Variants in TMEM132B observed in about 807,000 individuals in gnomAD.
TMEM132B encodes transmembrane protein 132B.
TMEM132B carries 18 observed loss-of-function variants against 90.8 expected under a neutral mutation model. That is an observed-to-expected ratio of 0.20 (90% CI 0.14 to 0.29). The LOEUF is 0.29. Ranked by LOEUF, TMEM132B falls within the 10% of genes least tolerant of loss-of-function variation. The pLI is 1.00. For missense variants in TMEM132B, 1,096 were observed against 1,326.8 expected (o/e 0.83, Z 2.70); for synonymous variants, 504 against 523.3 (o/e 0.96, Z 0.50).
intron 4 of TMEM132B, among the ~76,000 whole-genome samples, chr12:125,581,530 C>G (rs1314678742): frequency 6.6e-6 from 1 of 152,116 alleles, no homozygotes; most frequent in African/African-American, 2.4e-5. Flanking sequence ...TGGTCATGTG[C>G]TTTTCTGCGA....
intron 1 of TMEM132B, among the ~76,000 whole-genome samples, chr12:125,237,814 T>G (rs1873970678): frequency 6.6e-6 from 1 of 152,198 alleles, no homozygotes; most frequent in East Asian, 1.9e-4. Flanking sequence ...AGCACTGATA[T>G]TTGCAGGCAG....
intron 1 of TMEM132B, among the ~76,000 whole-genome samples, chr12:125,309,587 C>T (rs573578559): frequency 5.3e-5 from 8 of 152,192 alleles, no homozygotes; most frequent in Non-Finnish European, 1.2e-4. Flanking sequence ...ATGGACAATA[C>T]AACAGGCAAA....
intron 1 of TMEM132B, among the ~76,000 whole-genome samples, chr12:125,306,366 C>T (rs977052217): frequency 6.6e-6 from 1 of 152,194 alleles, no homozygotes; most frequent in African/African-American, 2.4e-5. Flanking sequence ...AGGACTTCTC[C>T]CCTGGGCTCC....
chr12:125,653,568 G>T lies in TMEM132B; in HGVS notation c.2110G>T (p.Ala704Ser). The T allele has an allele frequency of 6.2e-7, 1 of 1,601,080 alleles. No individual in the cohort carries two copies. Among genetic ancestry groups the T allele is most frequent in the Non-Finnish European group, 8.5e-7 (1 of 1,169,866 alleles). ...LDVLQSPQQE[A>S]IVSSWILFSD... ...GCTTTGGTTTCATTTTCCTCAGGAA[G>T]CAATAGTAAGTTCTTGGATTTTGTT... is the stretch of plus-strand genomic sequence containing the variant. The change falls in exon 9 of 9, where the codon GCA becomes TCA. Residue 704 changes from alanine to serine, a missense_variant. By Grantham distance (99) the Ala-to-Ser change is moderately conservative. Transcript: ENST00000682704.
intron 4 of TMEM132B, among the ~76,000 whole-genome samples, chr12:125,559,000 A>G (rs1187005818): frequency 6.6e-6 from 1 of 152,222 alleles, no homozygotes; most frequent in African/African-American, 2.4e-5. Context: ...TTTTTGGAGA[A>G]TGTACTAAGA....
At chr12:125,306,734 C>T (rs980564363) in intron 1 of TMEM132B, among the ~76,000 whole-genome samples, 3 of 152,218 alleles carry the variant, frequency 2.0e-5, no homozygotes. Context: ...TCCTTTCTTC[C>T]CACAACAACC....
chr12:125,610,943 G>C (rs192056698), intron 5 of TMEM132B, among the ~76,000 whole-genome samples: 26 of 152,244 alleles, frequency 1.7e-4, no homozygotes, highest in Admixed American at 1.6e-3. Flanking sequence ...ATTTGGAAGA[G>C]TTTGTCTAGG....
chr12:125,190,492 G>A, intron 1 of TMEM132B, among the ~76,000 whole-genome samples: 1 of 139,608 alleles, frequency 7.2e-6, no homozygotes, highest in African/African-American at 2.7e-5. Flanking sequence ...AAGGGGTGGT[G>A]ATGGTGATGG....
intron 3 of TMEM132B, among the ~76,000 whole-genome samples, chr12:125,448,223 T>C (rs1881056957): frequency 6.6e-6 from 1 of 151,908 alleles, no homozygotes; most frequent in Non-Finnish European, 1.5e-5. Flanking sequence ...CACTCCAGCC[T>C]GGGCAACAAG....
chr12:125,198,483 G>A (rs919396651), intron 1 of TMEM132B, among the ~76,000 whole-genome samples: 4 of 152,162 alleles, frequency 2.6e-5, no homozygotes, highest in African/African-American at 7.2e-5. Flanking sequence ...TCCAACCAGC[G>A]GAAATAGAAT....
At chr12:125,332,006 G>A (rs1369322781) in intron 1 of TMEM132B, among the ~76,000 whole-genome samples, 2 of 152,068 alleles carry the variant, frequency 1.3e-5, no homozygotes, top group East Asian at 3.9e-4. Context: ...CCATCCCAAA[G>A]TGCTGGGATT....
At chr12:125,228,188 C>T (rs1410290025) in intron 1 of TMEM132B, among the ~76,000 whole-genome samples, 1 of 152,122 alleles carries the variant, frequency 6.6e-6, no homozygotes, top group East Asian at 1.9e-4. Context: ...CCCCTGTTTC[C>T]GCCTCTCGGT....
At chr12:125,435,549 C>G (rs1880675407) in intron 3 of TMEM132B, among the ~76,000 whole-genome samples, 1 of 152,190 alleles carries the variant, frequency 6.6e-6, no homozygotes, top group South Asian at 2.1e-4. Context: ...CAGAGCCCTC[C>G]CAAGAGCCAG....
At chr12:125,257,350 C>T (rs765169029) in intron 1 of TMEM132B, among the ~76,000 whole-genome samples, 6 of 152,296 alleles carry the variant, frequency 3.9e-5, no homozygotes, top group Non-Finnish European at 8.8e-5. Context: ...CTCCCTGTTT[C>T]TACCGTTGGT....
intron 2 of TMEM132B, among the ~76,000 whole-genome samples, chr12:125,391,347 A>G (rs922546822): frequency 6.6e-6 from 1 of 152,218 alleles, no homozygotes; most frequent in African/African-American, 2.4e-5. Flanking sequence ...GGTGGCTCAC[A>G]GAGACTTGCC....
chr12:125,310,507 A>T (rs1002995524), intron 1 of TMEM132B, among the ~76,000 whole-genome samples: 13 of 152,204 alleles, frequency 8.5e-5, no homozygotes, highest in African/African-American at 3.1e-4. Flanking sequence ...CACACAGTTA[A>T]TCAGCAGGGA....
At chr12:125,256,680 G>T (rs529164755) in intron 1 of TMEM132B, among the ~76,000 whole-genome samples, 4 of 152,258 alleles carry the variant, frequency 2.6e-5, no homozygotes, top group African/African-American at 9.6e-5. Flanking sequence ...GTATTAGGTT[G>T]GTGCAAAAAG....
intron 1 of TMEM132B, among the ~76,000 whole-genome samples, chr12:125,299,234 G>C (rs1458111369): frequency 1.3e-5 from 2 of 152,156 alleles, no homozygotes; most frequent in Non-Finnish European, 2.9e-5. Flanking sequence ...AGCAGCTCTT[G>C]TCAAAGTCAC....
chr12:125,342,735 C>T (rs1165956167), intron 1 of TMEM132B, among the ~76,000 whole-genome samples: 1 of 152,138 alleles, frequency 6.6e-6, no homozygotes, highest in Non-Finnish European at 1.5e-5. Context: ...TGAGCCCCAG[C>T]TTGGCCAAGC....
Sources: allele counts gnomAD v4.1 joint callset (sites outside exome capture counted in the v4.1 genomes callset), GRCh38; gene constraint gnomAD v4.1.1; transcripts MANE v1.5; gene names NCBI Gene and HGNC (gene_info 2026-07-23, HGNC 2026-07-21).